The following HERC1 variants were observed in gnomAD, a reference collection of about 807,000 sequenced individuals.
HERC1 encodes probable E3 ubiquitin-protein ligase HERC1.
A neutral mutation model predicts 554.3 loss-of-function variants in HERC1; 160 were observed. That is an observed-to-expected ratio of 0.29 (90% CI 0.25 to 0.33). The LOEUF (loss-of-function observed/expected upper bound fraction) is 0.33. Among genes scored for constraint, HERC1 ranks in the 10% least tolerant of loss-of-function variants. The pLI is 1.00. For missense variants in HERC1, 4,919 were observed against 5,918.5 expected, an observed-to-expected ratio of 0.83 and a Z score of 5.54; for synonymous variants, 2,175 against 2,131.7, an observed-to-expected ratio of 1.02 and a Z score of -0.56.
chr15:63,664,665 T>C, intron 42 of HERC1, 71 bp from the exon 43 acceptor site: 1 of 1,302,526 alleles, frequency 7.7e-7, no homozygotes, highest in African/African-American at 1.5e-5. Context: ...AGGTGTAAGC[T>C]TACTTGTAGT....
At chr15:63,609,294 T>TGG (rs1344327428) in intron 77 of HERC1, 28 bp from the exon 78 acceptor site, 1 of 1,578,174 alleles carries the variant, frequency 6.3e-7, no homozygotes, top group South Asian at 1.2e-5. Context: ...GAGCCGTGAC[T>TGG]GGGGACATCA....
intron 24 of HERC1, among the ~76,000 whole-genome samples, chr15:63,708,354 A>AT (rs1220034665): frequency 6.6e-6 from 1 of 152,212 alleles, no homozygotes; most frequent in African/African-American, 2.4e-5. Flanking sequence ...CCTCTAGCAG[A>AT]ACACCACAGG....
At chr15:63,766,545 C>T (rs891201470) in intron 2 of HERC1, among the ~76,000 whole-genome samples, 7 of 152,206 alleles carry the variant, frequency 4.6e-5, no homozygotes, top group Non-Finnish European at 8.8e-5. Context: ...CACCACTGCA[C>T]TCCAGCCTAG....
At position 63,632,346 on chromosome 15, in the gene HERC1, C is replaced by T. The variant is rs797018371; in HGVS notation, c.12796+363G>A. 3 of 261,360 alleles carry T rather than the reference C, an allele frequency of 1.1e-5. No homozygotes were observed. The Admixed American group carries it at 1.6e-4, about 14-fold the overall frequency. 16.2% of individuals were successfully genotyped at this position (261,360 alleles called of 1,614,324 possible). ...GAATTCCTCCAGTTCCTAAGATCTGCAGCCCCAGTCCCTAGAAGGGATGAA... is the reference window on the plus strand; with the variant it reads ...GAATTCCTCCAGTTCCTAAGATCTGTAGCCCCAGTCCCTAGAAGGGATGAA... On this transcript the variant is annotated intron_variant, in intron 68 of 77. Coordinates refer to ENST00000443617, the MANE Select transcript of HERC1 (RefSeq NM_003922.4).
intron 43 of HERC1, among the ~76,000 whole-genome samples, chr15:63,663,829 T>C (rs2070478862): frequency 6.6e-6 from 1 of 152,204 alleles, no homozygotes; most frequent in South Asian, 2.1e-4. Context: ...AAAAAATCAG[T>C]TACCTTAATT....
In HERC1 at chr15:63,830,479, C is replaced by T. The variant is rs2078115915; in HGVS notation, c.-27+3348G>A. Among the ~76,000 whole-genome samples the T allele has an allele frequency of 3.3e-5, 5 of 151,912 alleles. No individual in the cohort carries two copies. In the East Asian group the frequency reaches 7.7e-4, roughly 24 times the overall value. On this transcript the variant is annotated intron_variant, in intron 1 of 77. Transcript: ENST00000443617. ...CAGAGATTGGAGGAAATGAAGAAGA[C>T]ACAACAACTAAATGCAACGTGGGAA...
intron 1 of HERC1, among the ~76,000 whole-genome samples, chr15:63,814,633 T>C (rs1257508117): frequency 6.6e-6 from 1 of 152,176 alleles, no homozygotes; most frequent in East Asian, 1.9e-4. Flanking sequence ...CTTTTTGTAC[T>C]AGTTTTTGTA....
chr15:63,699,583 T>C (rs2072611787), intron 25 of HERC1, among the ~76,000 whole-genome samples: 1 of 152,214 alleles, frequency 6.6e-6, no homozygotes, highest in African/African-American at 2.4e-5. Flanking sequence ...TCACTGACTG[T>C]GTCATGTGCA....
intron 19 of HERC1, among the ~76,000 whole-genome samples, chr15:63,722,097 T>A (rs1202930886): frequency 1.3e-5 from 2 of 152,198 alleles, no homozygotes; most frequent in Non-Finnish European, 2.9e-5. Flanking sequence ...ACTCCTGACC[T>A]CAAGTGATAC....
chr15:63,665,992 G>C lies in HERC1; in HGVS notation c.8482C>G (p.Pro2828Ala), dbSNP rs760456325. Reference sequence around the variant, plus strand: ...TCTCCAGGTGACTGCAAATAACAGGGATCATTTGACTTCCCGCCACTGCCT... The same window carrying C: ...TCTCCAGGTGACTGCAAATAACAGGCATCATTTGACTTCCCGCCACTGCCT... ...VLGSGGKSND[P>A]CYLQSPGDIP... Residue 2828 changes from proline to alanine, a missense_variant, in exon 42 of 78, where the codon CCC becomes GCC. Pro to Ala is a conservative substitution (Grantham distance 27, BLOSUM62 -1). Around this residue, in one of 11 missense-constraint regions of HERC1, gnomAD observed 1,963 missense variants for 2,228.6 expected, o/e 0.88. Coordinates refer to ENST00000443617, the MANE Select transcript of HERC1 (RefSeq NM_003922.4). 5 of 1,614,026 alleles carry C rather than the reference G, an allele frequency of 3.1e-6. No individual in the cohort carries two copies. The highest frequency in any genetic ancestry group is 3.4e-6 in the Non-Finnish European group (4 of 1,179,882).
At chr15:63,767,922 C>G (rs1453038949) in intron 2 of HERC1, among the ~76,000 whole-genome samples, 1 of 152,206 alleles carries the variant, frequency 6.6e-6, no homozygotes, top group Non-Finnish European at 1.5e-5. Flanking sequence ...AATCTTCAGT[C>G]TCTTCATATA....
intron 22 of HERC1, among the ~76,000 whole-genome samples, chr15:63,714,348 C>A: frequency 6.6e-6 from 1 of 152,010 alleles, no homozygotes; most frequent in Non-Finnish European, 1.5e-5. Context: ...TTTGCTGAAA[C>A]AGAATTTAGT....
At chr15:63,723,484 G>A in intron 18 of HERC1, 129 bp from the exon 19 acceptor site, 1 of 648,428 alleles carries the variant, frequency 1.5e-6, no homozygotes. Context: ...TGCTACCAAG[G>A]TAAAGTCCTT....
rs371710233 is a variant in HERC1, at chr15:63,674,910, C to G, written c.7278G>C (p.Gly2426=). ...CACTCTCAGGTTTCTGCTCAACATC[C>G]CCTTTCTCCTCGGATTCATGTCGGT... The part of the protein sequence containing the change: ...KKHRHESEEK[G]DVEQKPESES... Residue 2426 remains glycine (G), a synonymous_variant, in exon 38 of 78, where the codon GGG becomes GGC. Transcript: ENST00000443617. The G allele has an allele frequency of 2.0e-5, 33 of 1,613,914 alleles. No individual in the cohort carries two copies. The African/African-American group carries it at 4.3e-4, about 21-fold the overall frequency.
Position 63,638,785 on chromosome 15 carries a change from CA to C in HERC1, c.11902-10del, listed in dbSNP as rs747634748. 6.2e-7 allele frequency: 1 copy of C among 1,610,640 alleles called. No homozygotes were observed. The highest frequency in any genetic ancestry group is 8.5e-7 in the Non-Finnish European group (1 of 1,176,902). ...ATCCATTTACTGTTATCCTGAAAAACAGGGGGTACATAATGATCAATTCTGC... is the reference window on the plus strand; with the variant it reads ...ATCCATTTACTGTTATCCTGAAAAACGGGGGTACATAATGATCAATTCTGC... On this transcript the variant is annotated splice_polypyrimidine_tract_variant and intron_variant, in intron 61 of 77. Coordinates refer to ENST00000443617, the MANE Select transcript of HERC1 (RefSeq NM_003922.4).
rs147252483 is a variant in HERC1, at chr15:63,794,387, T to C, written c.-26-18738A>G. Among the ~76,000 whole-genome samples, 1,079 of 152,248 alleles carry C rather than the reference T, an allele frequency of 7.1e-3. 14 individuals are homozygous for C. Among genetic ancestry groups the C allele is most frequent in the African/African-American group, 0.025 (1,038 of 41,536 alleles). On this transcript the variant is annotated intron_variant, in intron 1 of 77. Transcript: ENST00000443617. ...TTTTGTGGTTCTATGGAAGCTTCATTACTAGCTATTACTGGTTGAATCACT... is the reference window on the plus strand; with the variant it reads ...TTTTGTGGTTCTATGGAAGCTTCATCACTAGCTATTACTGGTTGAATCACT...
At chr15:63,669,777 A>C in intron 39 of HERC1, 79 bp from the exon 40 acceptor site, 2 of 1,310,946 alleles carry the variant, frequency 1.5e-6, no homozygotes, top group Non-Finnish European at 2.2e-6. Flanking sequence ...TTATAGAAGA[A>C]TATGCAACCT....
At chr15:63,633,811 A>C in intron 67 of HERC1, 37 bp downstream of exon 67, 1 of 1,598,430 alleles carries the variant, frequency 6.3e-7, no homozygotes, top group South Asian at 1.1e-5. Flanking sequence ...AAAACTATTT[A>C]TGTTGTCTGA....
chr15:63,667,442 C>T (rs1189371243), intron 40 of HERC1, among the ~76,000 whole-genome samples: 1 of 151,808 alleles, frequency 6.6e-6, no homozygotes, highest in East Asian at 1.9e-4. Flanking sequence ...CAAATGTCTA[C>T]TGATGAAAAC....
Sources: allele counts gnomAD v4.1 joint callset (sites outside exome capture counted in the v4.1 genomes callset), GRCh38; gene constraint gnomAD v4.1.1; regional missense constraint gnomAD v4.1.1; transcripts MANE v1.5; gene names NCBI Gene and HGNC (gene_info 2026-07-23, HGNC 2026-07-21).